The following FOXN3 variants were observed in gnomAD, a reference collection of about 807,000 sequenced individuals.
The protein encoded by FOXN3 is forkhead box protein N3.
A neutral mutation model predicts 38.4 loss-of-function variants in FOXN3; 7 were observed. The observed-to-expected ratio is 0.18, with a 90% CI of 0.10 to 0.34. FOXN3 has a LOEUF of 0.34. FOXN3 is among the 10% of genes least tolerant of loss of function. The pLI, the probability that FOXN3 is intolerant of heterozygous loss-of-function variation, is 1.00. For missense variants in FOXN3, 456 were observed against 613.4 expected, an observed-to-expected ratio of 0.74 and a Z score of 2.71; for synonymous variants, 230 against 242.2, an observed-to-expected ratio of 0.95 and a Z score of 0.47.
chr14:89,611,589 A>G (rs112732135), intron 1 of FOXN3, among the ~76,000 whole-genome samples: 9,404 of 152,066 alleles, frequency 0.062, 904 homozygotes, highest in African/African-American at 0.21. Context: ...GGCGGATCAC[A>G]AGGTCAGGAG....
intron 1 of FOXN3, among the ~76,000 whole-genome samples, chr14:89,538,611 C>T (rs1188189485): frequency 6.6e-6 from 1 of 152,112 alleles, no homozygotes; most frequent in Non-Finnish European, 1.5e-5. Context: ...CTCTGCCTCC[C>T]GAGTTCAAGC....
chr14:89,306,909 T>G (rs1887395667), intron 3 of FOXN3, among the ~76,000 whole-genome samples: 1 of 152,084 alleles, frequency 6.6e-6, no homozygotes. Context: ...AACATTTTAT[T>G]GGGACACAAC....
chr14:89,187,679 C>T (rs1887842786), intron 4 of FOXN3, among the ~76,000 whole-genome samples: 2 of 152,208 alleles, frequency 1.3e-5, no homozygotes, highest in East Asian at 1.9e-4. Context: ...AGAAAGGTGG[C>T]GGGGGTAGGG....
intron 1 of FOXN3, among the ~76,000 whole-genome samples, chr14:89,473,518 G>A (rs1322294742): frequency 4.6e-5 from 7 of 152,040 alleles, no homozygotes; most frequent in Non-Finnish European, 1.0e-4. Flanking sequence ...TGGGACCACA[G>A]GCGCACACCA....
At chr14:89,532,647 C>T (rs978300975) in intron 1 of FOXN3, among the ~76,000 whole-genome samples, 7 of 152,182 alleles carry the variant, frequency 4.6e-5, no homozygotes, top group Non-Finnish European at 1.0e-4. Context: ...GTTGGGCAAA[C>T]AATATAATTA....
chr14:89,466,754 A>G (rs1566665920), intron 1 of FOXN3, among the ~76,000 whole-genome samples: 1 of 152,200 alleles, frequency 6.6e-6, no homozygotes, highest in Non-Finnish European at 1.5e-5. Context: ...GCAGCTGGCC[A>G]AGGACCTGTA....
chr14:89,192,919 C>T (rs1225108071), intron 4 of FOXN3, among the ~76,000 whole-genome samples: 1 of 151,998 alleles, frequency 6.6e-6, no homozygotes, highest in Non-Finnish European at 1.5e-5. Flanking sequence ...TGGTCCCCCA[C>T]AGGGCCTGTT....
intron 1 of FOXN3, among the ~76,000 whole-genome samples, chr14:89,441,126 ATC>A (rs1420677639): frequency 1.3e-5 from 2 of 152,094 alleles, no homozygotes; most frequent in African/African-American, 4.8e-5. Flanking sequence ...CCAAAGTCTT[ATC>A]TCTCAGCCTT....
At chr14:89,582,487 C>CTATT (rs1895761644) in intron 1 of FOXN3, among the ~76,000 whole-genome samples, 2 of 86,750 alleles carry the variant, frequency 2.3e-5, no homozygotes, top group African/African-American at 8.2e-5. Flanking sequence ...TTAAACTCAC[C>CTATT]TTTTTTTTTT....
chr14:89,487,771 AGACCGTGTTATTTCTTATAAC>A, intron 1 of FOXN3, among the ~76,000 whole-genome samples: 1 of 152,312 alleles, frequency 6.6e-6, no homozygotes, highest in Non-Finnish European at 1.5e-5. Flanking sequence ...AAATACTGGC[AGACCGTGTTATTTCTTATAAC>A]GGCTGGAGAG....
chr14:89,467,442 C>T (rs890396094), intron 1 of FOXN3, among the ~76,000 whole-genome samples: 1 of 151,992 alleles, frequency 6.6e-6, no homozygotes, highest in South Asian at 2.1e-4. Flanking sequence ...TTACTGATGA[C>T]ATATTTTTTA....
chr14:89,288,677 T>C (rs2401818), intron 3 of FOXN3, among the ~76,000 whole-genome samples: 7 of 57,860 alleles, frequency 1.2e-4, no homozygotes, highest in Non-Finnish European at 2.3e-4. Context: ...TCTTTCTCTC[T>C]CTCTCTCTCT....
chr14:89,578,235 T>C (rs1472481102), intron 1 of FOXN3, among the ~76,000 whole-genome samples: 2 of 152,252 alleles, frequency 1.3e-5, no homozygotes, highest in Non-Finnish European at 2.9e-5. Context: ...TGTCCAGCCC[T>C]GTGGTTTTGC....
intron 3 of FOXN3, among the ~76,000 whole-genome samples, chr14:89,302,403 C>G (rs111551649): frequency 2.0e-5 from 3 of 152,136 alleles, no homozygotes; most frequent in Non-Finnish European, 4.4e-5. Flanking sequence ...TAAACAGTTA[C>G]GTATGATTGT....
At chr14:89,212,225 T>A (rs1884116983) in intron 4 of FOXN3, among the ~76,000 whole-genome samples, 1 of 152,226 alleles carries the variant, frequency 6.6e-6, no homozygotes, top group Non-Finnish European at 1.5e-5. Flanking sequence ...ATAAGACATG[T>A]TCTTTGGCCA....
At chr14:89,422,379 G>A (rs1891932432) in intron 1 of FOXN3, among the ~76,000 whole-genome samples, 1 of 152,190 alleles carries the variant, frequency 6.6e-6, no homozygotes, top group African/African-American at 2.4e-5. Flanking sequence ...CTGGTCTGTG[G>A]ACCCACTTCA....
intron 2 of FOXN3, among the ~76,000 whole-genome samples, chr14:89,403,695 C>T (rs1008296004): frequency 6.6e-6 from 1 of 152,208 alleles, no homozygotes; most frequent in African/African-American, 2.4e-5. Flanking sequence ...CCAGGTGCCA[C>T]AAAGCCCTAC....
chr14:89,312,694 T>C (rs1255917345), intron 3 of FOXN3, among the ~76,000 whole-genome samples: 1 of 152,228 alleles, frequency 6.6e-6, no homozygotes, highest in African/African-American at 2.4e-5. Flanking sequence ...CACACCTTGC[T>C]AGCTGGTAGA....
At chr14:89,346,659 G>C (rs904128116) in intron 3 of FOXN3, among the ~76,000 whole-genome samples, 1 of 152,138 alleles carries the variant, frequency 6.6e-6, no homozygotes, top group Non-Finnish European at 1.5e-5. Context: ...TGTTCACCAG[G>C]TTTGTCCACT....
Sources: allele counts gnomAD v4.1 joint callset (sites outside exome capture counted in the v4.1 genomes callset), GRCh38; gene constraint gnomAD v4.1.1; transcripts MANE v1.5; gene names NCBI Gene and HGNC (gene_info 2026-07-23, HGNC 2026-07-21).